The following FBLN2 variants were observed in gnomAD, a reference collection of about 807,000 sequenced individuals.
The protein encoded by FBLN2 is fibulin-2.
FBLN2 carries 81 observed loss-of-function variants against 123.7 expected under a neutral mutation model. The ratio of observed to expected loss-of-function variants is 0.65; its 90% CI spans 0.55 to 0.79. The LOEUF (loss-of-function observed/expected upper bound fraction) is 0.79, where lower values mean the gene tolerates loss of function less well. Among genes scored for constraint, FBLN2 ranks in the 30% least tolerant of loss-of-function variants. The pLI, the probability that FBLN2 is intolerant of heterozygous loss-of-function variation, is 0.00. For synonymous variants in FBLN2, 699 were observed against 701.4 expected (o/e 1.00, Z 0.05); for missense variants, 1,603 against 1,681.3 (o/e 0.95, Z 0.81).
Position 13,613,985 on chromosome 3 carries a change from AATGCTGTG to A in FBLN2, c.1552_1559del (p.Cys518LeufsTer16). The A allele has an allele frequency of 6.2e-7, 1 of 1,611,722 alleles. No individual in the cohort carries two copies. The highest frequency in any genetic ancestry group is 8.5e-7 in the Non-Finnish European group (1 of 1,179,660). Reference sequence around the variant, plus strand: ...AGTGATAACTGTCTCTCCCTGCAGCAATGCTGTGACTGCTGTGGCCTGGGCCTCCGCGT... The same window carrying A: ...AGTGATAACTGTCTCTCCCTGCAGCAACTGCTGTGGCCTGGGCCTCCGCGT... On this transcript the variant is annotated frameshift_variant and splice_region_variant, in exon 5 of 18. Transcript: ENST00000404922. LOFTEE classifies it high-confidence loss of function.
intron 1 of FBLN2, among the ~76,000 whole-genome samples, chr3:13,558,875 G>A (rs1574942185): frequency 6.6e-6 from 1 of 151,104 alleles, no homozygotes; most frequent in East Asian, 1.9e-4. Flanking sequence ...TTAAAGCATG[G>A]GGTGGGATTT....
chr3:13,610,763 G>A (rs1705364132), intron 4 of FBLN2, among the ~76,000 whole-genome samples: 1 of 152,120 alleles, frequency 6.6e-6, no homozygotes, highest in South Asian at 2.1e-4. Flanking sequence ...GCAGGGCTGA[G>A]TTAGAGGAGT....
In FBLN2 at chr3:13,570,926, C is replaced by T. The variant is rs745980717; in HGVS notation, c.571C>T (p.Arg191Ter). Reference protein sequence around the residue: ...FSDAEEGDPERHYEDPYSYDQ... With the variant: ...FSDAEEGDPE ...AGATGCCGAGGAGGGTGACCCCGAG[C>T]GACACTACGAAGACCCCTACAGCTA... The change falls in exon 2 of 18, where the codon CGA (arginine) becomes TGA (stop). Residue 191 changes from arginine to a stop codon, truncating the protein, a stop_gained. Coordinates refer to ENST00000404922, the MANE Select transcript of FBLN2 (RefSeq NM_001004019.2). LOFTEE classifies it high-confidence loss of function. 9.9e-6 allele frequency: 16 copies of T among 1,612,662 alleles called. No homozygotes were observed. Among genetic ancestry groups the T allele is most frequent in the African/African-American group, 2.7e-5 (2 of 74,900 alleles).
chr3:13,630,418 A>G (rs1413810851), intron 14 of FBLN2, among the ~76,000 whole-genome samples: 2 of 152,210 alleles, frequency 1.3e-5, no homozygotes, highest in Non-Finnish European at 2.9e-5. Flanking sequence ...CCAGAAGGCC[A>G]TGGGGTCTTG....
chr3:13,591,667 T>C (rs894943357), intron 2 of FBLN2, among the ~76,000 whole-genome samples: 2 of 152,228 alleles, frequency 1.3e-5, no homozygotes, highest in Admixed American at 6.5e-5. Flanking sequence ...TGTAGCCTTG[T>C]AGTAATTTTT....
chr3:13,630,670 G>A (rs748522394), intron 14 of FBLN2, 29 bp from the exon 15 acceptor site: 16 of 1,548,122 alleles, frequency 1.0e-5, no homozygotes, highest in East Asian at 2.4e-5. Flanking sequence ...CTTGGGCCCT[G>A]CCATGACTGC....
Position 13,638,110 on chromosome 3 carries a change from A to AC in FBLN2, c.*192dup, listed in dbSNP as rs1706544297. On this transcript the variant is annotated 3_prime_UTR_variant, in exon 18 of 18. Coordinates refer to ENST00000404922, the MANE Select transcript of FBLN2 (RefSeq NM_001004019.2). ...GTTCCACGGCAGGTGGTGCGTTCCCACGCAGGCACCAAGTGGAAGCTTGCA... is the reference window on the plus strand; with the variant it reads ...GTTCCACGGCAGGTGGTGCGTTCCCACCGCAGGCACCAAGTGGAAGCTTGCA... 1 of 667,524 alleles carries AC rather than the reference A, an allele frequency of 1.5e-6. No individual in the cohort carries two copies. The highest frequency in any genetic ancestry group is 1.8e-5 in the African/African-American group (1 of 54,454). The allele number at this position is 667,524 out of a possible 1,614,324, so 41.4% of individuals were successfully genotyped here. A position where few individuals can be genotyped will look rare whatever the true frequency, so the allele number is the denominator to read the frequency against.
At chr3:13,592,219 T>G (rs1306139990) in intron 2 of FBLN2, among the ~76,000 whole-genome samples, 1 of 151,762 alleles carries the variant, frequency 6.6e-6, no homozygotes, top group Non-Finnish European at 1.5e-5. Flanking sequence ...AGAGACAGGG[T>G]TTCACCATGT....
At chr3:13,623,092 A>G (rs532938045) in intron 9 of FBLN2, among the ~76,000 whole-genome samples, 36 of 152,332 alleles carry the variant, frequency 2.4e-4, no homozygotes, top group African/African-American at 7.5e-4. Context: ...ACACGGGCCC[A>G]TGGTGCTGGG....
chr3:13,593,060 C>T (rs55850407), intron 2 of FBLN2, among the ~76,000 whole-genome samples: 10,655 of 152,270 alleles, frequency 0.07, 432 homozygotes, highest in East Asian at 0.14. Context: ...TCACATGTGC[C>T]ATATCCTGTT....
chr3:13,607,672 G>A (rs1291827531), intron 2 of FBLN2, among the ~76,000 whole-genome samples: 1 of 152,170 alleles, frequency 6.6e-6, no homozygotes, highest in South Asian at 2.1e-4. Context: ...TGCATGTGTT[G>A]GTTCATTTGG....
At chr3:13,592,787 C>G (rs6442401) in intron 2 of FBLN2, among the ~76,000 whole-genome samples, 61,355 of 151,998 alleles carry the variant, frequency 0.4, 15,169 homozygotes, top group African/African-American at 0.7. Flanking sequence ...CTAAGTATTT[C>G]TGGCTTATAT....
chr3:13,580,211 G>A (rs112891020), intron 2 of FBLN2, among the ~76,000 whole-genome samples: 5 of 152,268 alleles, frequency 3.3e-5, no homozygotes, highest in African/African-American at 1.2e-4. Context: ...CATTTCAGTT[G>A]AGAGGTGCTG....
chr3:13,582,423 G>T (rs1158592040), intron 2 of FBLN2, among the ~76,000 whole-genome samples: 1 of 152,256 alleles, frequency 6.6e-6, no homozygotes, highest in African/African-American at 2.4e-5. Context: ...AGGCCAGGCT[G>T]TGGGCCTCTA....
chr3:13,614,523 C>T (rs1440560513), intron 5 of FBLN2, among the ~76,000 whole-genome samples: 1 of 152,052 alleles, frequency 6.6e-6, no homozygotes, highest in Non-Finnish European at 1.5e-5. Context: ...TCTTGTCCAT[C>T]TCTCCATCCA....
intron 2 of FBLN2, among the ~76,000 whole-genome samples, chr3:13,572,695 C>T (rs896366346): frequency 6.6e-6 from 1 of 152,248 alleles, no homozygotes; most frequent in African/African-American, 2.4e-5. Context: ...AGTCAGACAC[C>T]CCATTTGAAG....
At position 13,614,065 on chromosome 3, in the gene FBLN2, C is replaced by A. The variant is rs1369600138; in HGVS notation, c.1630C>A (p.Pro544Thr). 6.2e-7 allele frequency: 1 copy of A among 1,613,786 alleles called. No homozygotes were observed. ...SCESNPNLGY[P>T]CNHVMLSCCE... is the part of the protein sequence containing the mutation. ...TGAGTCCAATCCTAACCTGGGCTAT[C>A]CCTGCAATCATGTCATGCTCTCCTG... Residue 544 changes from proline (P) to threonine (T), a missense_variant, in exon 5 of 18, where the codon CCC becomes ACC. Physicochemically the swap from Pro to Thr is conservative, Grantham distance 38. Coordinates refer to ENST00000404922, the MANE Select transcript of FBLN2 (RefSeq NM_001004019.2).
chr3:13,579,005 C>G (rs1032863073), intron 2 of FBLN2, among the ~76,000 whole-genome samples: 1 of 152,132 alleles, frequency 6.6e-6, no homozygotes, highest in Non-Finnish European at 1.5e-5. Context: ...TGGTGAGCCA[C>G]GATCACGCCT....
At chr3:13,568,979 C>T in intron 1 of FBLN2, 2 of 985,674 alleles carry the variant, frequency 2.0e-6, no homozygotes, top group Non-Finnish European at 2.4e-6. Flanking sequence ...ACGAGTCCTG[C>T]TGTCCCTCTG....
Sources: allele counts gnomAD v4.1 joint callset (sites outside exome capture counted in the v4.1 genomes callset), GRCh38; gene constraint gnomAD v4.1.1; transcripts MANE v1.5; gene names NCBI Gene and HGNC (gene_info 2026-07-23, HGNC 2026-07-21).